SRSF12: variants seen among roughly 807,000 people sequenced by gnomAD.
SRSF12 encodes serine and arginine rich splicing factor 12.
In SRSF12, 21 loss-of-function variants were observed where a neutral mutation model predicts 34.1. That is an observed-to-expected ratio of 0.62 (90% CI 0.44 to 0.89). SRSF12 has a LOEUF of 0.89. Ranked by LOEUF, SRSF12 falls within the 40% of genes least tolerant of loss-of-function variation. SRSF12 has a pLI of 0.00. For missense variants in SRSF12, 278 were observed against 327.8 expected, an observed-to-expected ratio of 0.85 and a Z score of 1.17; for synonymous variants, 111 against 110.8, an observed-to-expected ratio of 1.00 and a Z score of -0.01.
Position 89,106,978 on chromosome 6 carries a change from G to T in SRSF12, c.170+176C>A, listed in dbSNP as rs752908958. The T allele has an allele frequency of 4.5e-6, 3 of 668,736 alleles. No individual in the cohort carries two copies. In the South Asian group the frequency reaches 4.5e-5, roughly 10 times the overall value. 41.4% of individuals were successfully genotyped at this position (668,736 alleles called of 1,614,324 possible). A position where few individuals can be genotyped will look rare whatever the true frequency, so the allele number is the denominator to read the frequency against. On this transcript the variant is annotated intron_variant, in intron 2 of 4. Transcript: ENST00000452027. ...ATGCTTGGATTCTAGCTAACAGGTTGGTTCAAACTGGGGGGTGCTTGCCAG... is the reference window on the plus strand; with the variant it reads ...ATGCTTGGATTCTAGCTAACAGGTTTGTTCAAACTGGGGGGTGCTTGCCAG...
intron 1 of SRSF12, among the ~76,000 whole-genome samples, chr6:89,110,672 G>A (rs1769004647): frequency 6.6e-6 from 1 of 152,130 alleles, no homozygotes; most frequent in Non-Finnish European, 1.5e-5. Flanking sequence ...CTGTGAATCG[G>A]CCTTAGGTTC....
intron 1 of SRSF12, among the ~76,000 whole-genome samples, chr6:89,111,681 G>A (rs1257011944): frequency 2.6e-5 from 4 of 152,144 alleles, no homozygotes; most frequent in East Asian, 3.9e-4. Flanking sequence ...AAACGTTGGC[G>A]GTTGTGAGTG....
intron 1 of SRSF12, 115 bp downstream of exon 1, chr6:89,117,708 C>T: frequency 9.4e-7 from 1 of 1,067,038 alleles, no homozygotes; most frequent in Non-Finnish European, 1.3e-6. Flanking sequence ...CCTGGGCCCG[C>T]GGGGAGGCTC....
At chr6:89,103,153 G>A (rs1768615232) in intron 4 of SRSF12, among the ~76,000 whole-genome samples, 2 of 152,130 alleles carry the variant, frequency 1.3e-5, no homozygotes, top group Non-Finnish European at 2.9e-5. Context: ...GCATTGCCCT[G>A]AAAGATGTGG....
intron 1 of SRSF12, among the ~76,000 whole-genome samples, chr6:89,111,569 TG>T (rs1471310387): frequency 6.6e-6 from 1 of 152,224 alleles, no homozygotes; most frequent in Non-Finnish European, 1.5e-5. Context: ...GTATTTTCTA[TG>T]TAAGCAAATA....
At chr6:89,101,868 C>T (rs1055708127) in intron 4 of SRSF12, among the ~76,000 whole-genome samples, 4 of 151,826 alleles carry the variant, frequency 2.6e-5, no homozygotes, top group African/African-American at 9.7e-5. Context: ...GAATTCTATC[C>T]TCAGCAAAAA....
intron 4 of SRSF12, among the ~76,000 whole-genome samples, chr6:89,100,540 G>A: frequency 6.7e-6 from 1 of 148,346 alleles, no homozygotes; most frequent in African/African-American, 2.5e-5. Context: ...AAAAAAACAG[G>A]CAAGAATAAC....
chr6:89,111,043 T>C (rs1365577446), intron 1 of SRSF12, among the ~76,000 whole-genome samples: 1 of 152,068 alleles, frequency 6.6e-6, no homozygotes, highest in African/African-American at 2.4e-5. Context: ...GCCCAGGAGT[T>C]TGAGACTGCA....
rs369029047 is a variant in SRSF12, at chr6:89,117,754, C to G, written c.65+69G>C. On this transcript the variant is annotated intron_variant, in intron 1 of 4. Transcript: ENST00000452027. Reference sequence around the variant, plus strand: ...CCCCGAGCCTCCGCCGGGCCTCGGCCGTGCTCCGCGGCGCGGCTGTTACCC... The same window carrying G: ...CCCCGAGCCTCCGCCGGGCCTCGGCGGTGCTCCGCGGCGCGGCTGTTACCC... 2.6e-4 allele frequency: 384 copies of G among 1,460,490 alleles called. No homozygotes were observed. In the African/African-American group the frequency reaches 5.1e-3, roughly 19 times the overall value. 90.5% of individuals were successfully genotyped at this position (1,460,490 alleles called of 1,614,324 possible).
intron 4 of SRSF12, among the ~76,000 whole-genome samples, chr6:89,104,805 C>T (rs2127992318): frequency 6.6e-6 from 1 of 152,184 alleles, no homozygotes; most frequent in Middle Eastern, 3.4e-3. Flanking sequence ...GTAATCCTAG[C>T]ACTTTGGGAG....
At chr6:89,113,448 A>G (rs576040411) in intron 1 of SRSF12, among the ~76,000 whole-genome samples, 4 of 152,288 alleles carry the variant, frequency 2.6e-5, no homozygotes, top group African/African-American at 7.2e-5. Context: ...CTGGGATTAT[A>G]GGCGTGAGCC....
chr6:89,099,413 T>TGTGTATATATATATAC (rs1562191773), intron 4 of SRSF12, among the ~76,000 whole-genome samples: 1 of 140,032 alleles, frequency 7.1e-6, no homozygotes, highest in African/African-American at 2.8e-5. Flanking sequence ...CATATATATA[T>TGTGTATATATATATAC]ACATATATAT....
chr6:89,109,113 T>C (rs557496070), intron 1 of SRSF12, among the ~76,000 whole-genome samples: 22 of 152,282 alleles, frequency 1.4e-4, no homozygotes, highest in Admixed American at 5.2e-4. Context: ...CCACAGACCA[T>C]AGACTGGCAT....
chr6:89,109,478 C>A lies in SRSF12; in HGVS notation c.66-2220G>T, dbSNP rs567217988. On this transcript the variant is annotated intron_variant, in intron 1 of 4. Transcript: ENST00000452027. Reference sequence around the variant, plus strand: ...TTACCTTGCCCAGAGATCTACACAGCCAGTAGTAGAGCTAGGATTCAAATG... The same window carrying A: ...TTACCTTGCCCAGAGATCTACACAGACAGTAGTAGAGCTAGGATTCAAATG... Among the ~76,000 whole-genome samples the A allele has an allele frequency of 7.0e-4, 106 of 152,258 alleles. No individual in the cohort carries two copies. The South Asian group carries it at 7.1e-3, about 10-fold the overall frequency.
At chr6:89,113,194 A>G (rs1769136631) in intron 1 of SRSF12, among the ~76,000 whole-genome samples, 1 of 151,750 alleles carries the variant, frequency 6.6e-6, no homozygotes, top group Admixed American at 6.6e-5. Flanking sequence ...TTTTTTTTTG[A>G]GACACAATTT....
intron 1 of SRSF12, among the ~76,000 whole-genome samples, chr6:89,116,928 TC>T (rs1159297196): frequency 2.0e-5 from 3 of 152,142 alleles, no homozygotes; most frequent in African/African-American, 7.2e-5. Context: ...ACTCTTAGTT[TC>T]CGCTCTCCCT....
intron 4 of SRSF12, among the ~76,000 whole-genome samples, chr6:89,100,641 A>C (rs1417835631): frequency 6.6e-6 from 1 of 152,190 alleles, no homozygotes; most frequent in Non-Finnish European, 1.5e-5. Context: ...AATTACTATG[A>C]GTAATATATT....
intron 1 of SRSF12, among the ~76,000 whole-genome samples, chr6:89,115,152 C>A (rs1408815519): frequency 6.6e-6 from 1 of 152,012 alleles, no homozygotes; most frequent in Admixed American, 6.6e-5. Context: ...GGCTGGAGTA[C>A]AGTGATGTGA....
chr6:89,110,241 T>C (rs1238561627), intron 1 of SRSF12, among the ~76,000 whole-genome samples: 1 of 152,142 alleles, frequency 6.6e-6, no homozygotes, highest in African/African-American at 2.4e-5. Flanking sequence ...TTGGACAAAA[T>C]GCACAAAGCA....
Sources: gnomAD v4.1 joint callset for allele counts (sites outside exome capture counted in the v4.1 genomes callset) on GRCh38, gnomAD v4.1.1 for gene constraint, MANE v1.5 for transcripts, NCBI Gene and HGNC (gene_info 2026-07-23, HGNC 2026-07-21) for gene names.